Variants in NAV2 observed in about 807,000 individuals in gnomAD.
The protein encoded by NAV2 is helicase, APC down-regulated 1.
In NAV2, 54 loss-of-function variants were observed where a neutral mutation model predicts 223.2. That is an observed-to-expected ratio of 0.24 (90% CI 0.19 to 0.30). The LOEUF (loss-of-function observed/expected upper bound fraction) is 0.30. Ranked by LOEUF, NAV2 falls within the 10% of genes least tolerant of loss-of-function variation. The probability of loss-of-function intolerance (pLI) is 1.00; values close to 1 mark genes in which losing one functional copy is unlikely to be tolerated. For missense variants in NAV2, 2,806 were observed against 3,147.5 expected (o/e 0.89, Z 2.60); for synonymous variants, 1,279 against 1,239.3 (o/e 1.03, Z -0.67).
intron 20 of NAV2, 82 bp from the exon 21 acceptor site, chr11:20,068,103 CT>C (rs1399137733): frequency 7.5e-6 from 9 of 1,199,884 alleles, no homozygotes; most frequent in Admixed American, 1.7e-5. Flanking sequence ...CTGCAACCAT[CT>C]GAATATGGTG....
chr11:19,669,379 T>C (rs1175044691), intron 1 of NAV2, among the ~76,000 whole-genome samples: 1 of 152,228 alleles, frequency 6.6e-6, no homozygotes, highest in Non-Finnish European at 1.5e-5. Flanking sequence ...TAAAAGTGGC[T>C]CTACCATGTA....
At position 19,899,667 on chromosome 11, in the gene NAV2, A is replaced by G. The variant is rs111643290; in HGVS notation, c.931+7073A>G. ...TGCTCACGTGTTCTATAATAGAGAG[A>G]GGCTCAAAGTTGTGAGGAAAAAGAT... On this transcript the variant is annotated intron_variant, in intron 6 of 37. Coordinates refer to ENST00000349880, the MANE Select transcript of NAV2 (RefSeq NM_145117.5). 5.2e-3 allele frequency among the ~76,000 whole-genome samples: 792 copies of G among 152,352 alleles called. 6 individuals are homozygous for G. Among genetic ancestry groups the G allele is most frequent in the African/African-American group, 0.018 (753 of 41,584 alleles).
At chr11:19,817,194 G>C (rs2059136701) in intron 1 of NAV2, among the ~76,000 whole-genome samples, 3 of 152,048 alleles carry the variant, frequency 2.0e-5, no homozygotes, top group Non-Finnish European at 4.4e-5. Context: ...CACCTGCCCT[G>C]GTCTGAATGG....
At chr11:19,578,697 G>A (rs1392651444) in intron 1 of NAV2, among the ~76,000 whole-genome samples, 1 of 152,114 alleles carries the variant, frequency 6.6e-6, no homozygotes, top group African/African-American at 2.4e-5. Flanking sequence ...CTAGGTCAGG[G>A]GTCTGCATAT....
chr11:19,513,437 C>T (rs1205219472), intron 1 of NAV2, among the ~76,000 whole-genome samples: 1 of 152,156 alleles, frequency 6.6e-6, no homozygotes, highest in Non-Finnish European at 1.5e-5. Context: ...TGCCACACTC[C>T]TTTCATTGTG....
chr11:19,583,033 T>C (rs1370012401), intron 1 of NAV2, among the ~76,000 whole-genome samples: 1 of 152,238 alleles, frequency 6.6e-6, no homozygotes, highest in African/African-American at 2.4e-5. Flanking sequence ...TCCATTTGTG[T>C]GTATCCTCTT....
At chr11:19,811,451 A>T (rs1318609623) in intron 1 of NAV2, among the ~76,000 whole-genome samples, 1 of 152,170 alleles carries the variant, frequency 6.6e-6, no homozygotes, top group Non-Finnish European at 1.5e-5. Flanking sequence ...TTTACAAGTC[A>T]GTGGGTTGGA....
intron 10 of NAV2, among the ~76,000 whole-genome samples, chr11:19,960,616 T>TA (rs2048275968): frequency 6.6e-6 from 1 of 151,238 alleles, no homozygotes; most frequent in South Asian, 2.1e-4. Context: ...TTTATTTATT[T>TA]ATTTATTTAT....
intron 22 of NAV2, among the ~76,000 whole-genome samples, chr11:20,068,940 C>T (rs2059220244): frequency 6.6e-6 from 1 of 152,090 alleles, no homozygotes; most frequent in Non-Finnish European, 1.5e-5. Flanking sequence ...CAGTGACTGA[C>T]ATCTTAACAT....
intron 12 of NAV2, among the ~76,000 whole-genome samples, chr11:20,041,732 G>A (rs2056933383): frequency 6.6e-6 from 1 of 152,166 alleles, no homozygotes; most frequent in Non-Finnish European, 1.5e-5. Context: ...TGAAGTGAAT[G>A]TTCCAAAGCC....
Position 19,933,881 on chromosome 11 carries a change from G to T in NAV2, c.1637G>T (p.Gly546Val). The T allele has an allele frequency of 1.8e-5, 28 of 1,599,058 alleles. No individual in the cohort carries two copies. The highest frequency in any genetic ancestry group is 2.4e-5 in the Non-Finnish European group (28 of 1,174,702). The part of the protein sequence containing the change: ...SSKIASFIPK[G>V]GKLNSAKKEP... ...AAGATTGCCAGCTTCATCCCCAAAG[G>T]GGGGAAGCTCAACAGTGCCAAGAAG... Residue 546 changes from glycine (G) to valine (V), a missense_variant, in exon 7 of 38, where the codon GGG becomes GTG. Coordinates refer to ENST00000349880, the MANE Select transcript of NAV2 (RefSeq NM_145117.5). This position sits in a 1 kb window ranked among gnomAD's most constrained non-coding sequence, Gnocchi z 4.3.
chr11:20,000,643 G>A (rs992244537), intron 11 of NAV2, among the ~76,000 whole-genome samples: 7 of 152,148 alleles, frequency 4.6e-5, no homozygotes, highest in African/African-American at 1.7e-4. Context: ...AGCTGGGGGA[G>A]CTAATGGGAG....
intron 4 of NAV2, among the ~76,000 whole-genome samples, chr11:19,878,738 C>T (rs1019771465): frequency 6.6e-6 from 1 of 152,204 alleles, no homozygotes; most frequent in Non-Finnish European, 1.5e-5. Context: ...CGCACTTCCT[C>T]CTCTGCGTGG....
At chr11:19,924,742 G>A (rs1195091997) in intron 6 of NAV2, among the ~76,000 whole-genome samples, 2 of 152,202 alleles carry the variant, frequency 1.3e-5, no homozygotes, top group Non-Finnish European at 2.9e-5. Flanking sequence ...GTTTTAGAGA[G>A]AACTGACATG....
chr11:19,690,119 C>A (rs541636715), intron 1 of NAV2, among the ~76,000 whole-genome samples: 24 of 152,200 alleles, frequency 1.6e-4, no homozygotes, highest in African/African-American at 5.5e-4. Context: ...TACACCAACA[C>A]GGCCGGCTAA....
chr11:19,400,971 G>C (rs1427553229), intron 1 of NAV2, among the ~76,000 whole-genome samples: 1 of 152,068 alleles, frequency 6.6e-6, no homozygotes, highest in Non-Finnish European at 1.5e-5. Context: ...TTAGCATTTG[G>C]TGTCAAAAGC....
intron 1 of NAV2, among the ~76,000 whole-genome samples, chr11:19,687,175 C>T (rs2049046669): frequency 6.6e-6 from 1 of 152,160 alleles, no homozygotes. Flanking sequence ...ACAGCATTCT[C>T]CCTGGAACAG....
rs750569701 is a variant in NAV2, at chr11:19,892,489, G to C, written c.826G>C (p.Gly276Arg). Residue 276 changes from glycine to arginine, a missense_variant, in exon 6 of 38, where the codon GGA becomes CGA. By Grantham distance (125) the Gly-to-Arg change is moderately radical (BLOSUM62 -2). Around this residue, in one of 4 missense-constraint regions of NAV2, gnomAD observed 1,167 missense variants for 1,180.5 expected, o/e 0.99. Transcript: ENST00000349880. Reference protein sequence around the residue: ...SAAGSEAKTRGGSTTANNRRS... With the variant: ...SAAGSEAKTRRGSTTANNRRS... ...TGCAGGCAGCGAGGCCAAAACACGC[G>C]GAGGGTCAACTACTGCTAACAACCG... 4.3e-6 allele frequency: 7 copies of C among 1,614,006 alleles called. No homozygotes were observed. Among genetic ancestry groups the C allele is most frequent in the Non-Finnish European group, 5.9e-6 (7 of 1,179,994 alleles).
intron 1 of NAV2, among the ~76,000 whole-genome samples, chr11:19,456,321 T>G (rs56101035): frequency 0.14 from 21,367 of 152,228 alleles, 1,621 homozygotes; most frequent in East Asian, 0.24. Flanking sequence ...GCACAGTCAC[T>G]GTTTCATTGA....
Sources: allele counts gnomAD v4.1 joint callset (sites outside exome capture counted in the v4.1 genomes callset), GRCh38; gene constraint gnomAD v4.1.1; regional missense constraint gnomAD v4.1.1; non-coding constraint Gnocchi (gnomAD v3.1); transcripts MANE v1.5; gene names NCBI Gene and HGNC (gene_info 2026-07-23, HGNC 2026-07-21).